SOD2: variants seen among roughly 807,000 people sequenced by gnomAD.
The protein encoded by SOD2 is superoxide dismutase 2.
In SOD2, 11 loss-of-function variants were observed where a neutral mutation model predicts 27.0. The observed-to-expected ratio is 0.41, with a 90% CI of 0.26 to 0.67. The LOEUF (loss-of-function observed/expected upper bound fraction) is 0.67. Ranked by LOEUF, SOD2 falls within the 30% of genes least tolerant of loss-of-function variation. The pLI, the probability that SOD2 is intolerant of heterozygous loss-of-function variation, is 0.34. For missense variants in SOD2, 250 were observed against 274.5 expected, an observed-to-expected ratio of 0.91 and a Z score of 0.63; for synonymous variants, 105 against 103.0, an observed-to-expected ratio of 1.02 and a Z score of -0.12.
intron 1 of SOD2, chr6:159,739,104 A>G: frequency 7.5e-7 from 1 of 1,336,978 alleles, no homozygotes; most frequent in Non-Finnish European, 1.1e-6. Context: ...TTGTGACTCT[A>G]CACTGTAATT....
chr6:159,738,942 T>C, intron 1 of SOD2: 1 of 1,432,470 alleles, frequency 7.0e-7, no homozygotes, highest in South Asian at 1.2e-5. Context: ...TATAGAACTT[T>C]GTGTCTTCAG....
chr6:159,685,209 A>C (rs1206714065), intron 3 of SOD2, among the ~76,000 whole-genome samples, 176 bp from the exon 4 acceptor site: 1 of 135,100 alleles, frequency 7.4e-6, no homozygotes, highest in African/African-American at 2.7e-5. Context: ...TTTGTTTTTT[A>C]TAACTTCAAC....
At chr6:159,708,924 A>G (rs528239636) in intron 1 of SOD2, among the ~76,000 whole-genome samples, 63 of 148,490 alleles carry the variant, frequency 4.2e-4, no homozygotes, top group Non-Finnish European at 4.3e-4. Flanking sequence ...AGAGATATAG[A>G]CCAATGGAAC....
chr6:159,755,495 A>T (rs778477122), intron 1 of SOD2: 2 of 1,614,180 alleles, frequency 1.2e-6, no homozygotes, highest in Admixed American at 3.3e-5. Flanking sequence ...CACAGACTCC[A>T]GTCATGACCC....
At chr6:159,762,165 G>T (rs987640572) in exon 1 of SOD2, 7 of 1,604,920 alleles carry the variant, frequency 4.4e-6, no homozygotes, top group Admixed American at 1.7e-5. Flanking sequence ...CGGGAGCCGC[G>T]CAGAGTCCGA....
At chr6:159,732,974 A>G (rs1778681274) in intron 1 of SOD2, among the ~76,000 whole-genome samples, 1 of 151,726 alleles carries the variant, frequency 6.6e-6, no homozygotes, top group African/African-American at 2.4e-5. Flanking sequence ...GCCAGATTTG[A>G]TATCTGGGTT....
intron 1 of SOD2, among the ~76,000 whole-genome samples, chr6:159,760,085 TA>T (rs1780091951): frequency 6.6e-6 from 1 of 152,158 alleles, no homozygotes; most frequent in Admixed American, 6.5e-5. Context: ...AAGAGGAAGT[TA>T]GGGGTAAGAT....
chr6:159,748,752 A>G (rs1779710324), upstream of SOD2: 2 of 1,235,956 alleles, frequency 1.6e-6, no homozygotes, highest in Non-Finnish European at 2.0e-6. This position sits in a 1 kb window ranked among gnomAD's most constrained non-coding sequence, Gnocchi z 5.6. Context: ...GTTTGAAGGA[A>G]TGAAAACCTA....
upstream of SOD2, among the ~76,000 whole-genome samples, chr6:159,747,964 A>C (rs767848295): frequency 6.6e-6 from 1 of 152,202 alleles, no homozygotes; most frequent in African/African-American, 2.4e-5. Flanking sequence ...GTTTCAATAC[A>C]TATAATGTAT....
chr6:159,701,943 A>T (rs1244836590), intron 1 of SOD2, among the ~76,000 whole-genome samples: 1 of 152,200 alleles, frequency 6.6e-6, no homozygotes, highest in Non-Finnish European at 1.5e-5. Context: ...AGAAAGTGCT[A>T]TACACAGCTG....
chr6:159,722,591 G>C (rs188303598), intron 1 of SOD2, among the ~76,000 whole-genome samples: 5 of 151,952 alleles, frequency 3.3e-5, no homozygotes, highest in Admixed American at 2.0e-4. Context: ...TCTTTTTGAC[G>C]CTAAAATTGC....
chr6:159,734,723 A>G (rs999941402), intron 1 of SOD2, among the ~76,000 whole-genome samples: 7 of 152,200 alleles, frequency 4.6e-5, no homozygotes, highest in African/African-American at 1.7e-4. Context: ...AATATGCCAA[A>G]TGCAATTTAG....
Position 159,692,774 on chromosome 6 carries a change from A to T in SOD2, c.113T>A (p.Leu38Gln), listed in dbSNP as rs375884951. Residue 38 changes from leucine (L) to glutamine (Q), a missense_variant, in exon 2 of 5, where the codon CTG becomes CAG. Physicochemically the swap from Leu to Gln is moderately radical, Grantham distance 113 (BLOSUM62 -2). Transcript: ENST00000538183. The stretch of plus-strand genomic sequence containing the variant: ...GATCTGCGCGTTGATGTGAGGTTCC[A>T]GGGCGCCGTAGTCGTAGGGCAGGTC... Reference protein sequence around the residue: ...LPDLPYDYGALEPHINAQIMQ... With the variant: ...LPDLPYDYGAQEPHINAQIMQ... 7 of 1,614,004 alleles carry T rather than the reference A, an allele frequency of 4.3e-6. No homozygotes were observed. In the African/African-American group the frequency reaches 9.3e-5, roughly 22 times the overall value.
In SOD2 at chr6:159,742,072, GA is replaced by G. The variant is rs771400411; in HGVS notation, c.-116+3057del. 111 of 1,573,728 alleles carry G rather than the reference GA, an allele frequency of 7.1e-5. No individual in the cohort carries two copies. The East Asian group carries it at 2.4e-3, about 34-fold the overall frequency. ...ATTTTATCGTAACAACTAATGTATG[GA>G]TTTTTTTTTATTAGATGGAAACAAT... On this transcript the variant is annotated intron_variant, in intron 1 of 3. Transcript: ENST00000537657.
chr6:159,692,340 A>C, intron 2 of SOD2: 1 of 1,117,564 alleles, frequency 8.9e-7, no homozygotes, highest in Non-Finnish European at 1.2e-6. Context: ...GTGACACAGT[A>C]GAGCTTTCTT....
chr6:159,748,079 G>A (rs367685379), upstream of SOD2: 3 of 1,297,536 alleles, frequency 2.3e-6, no homozygotes, highest in African/African-American at 3.0e-5. The surrounding 1 kb of genome is among the most constrained non-coding windows in gnomAD (Gnocchi z 5.6). Flanking sequence ...ATCAAAGAGG[G>A]GAGGAGCTTA....
chr6:159,749,524 C>G (rs1213537953), upstream of SOD2: 13 of 800,570 alleles, frequency 1.6e-5, no homozygotes, highest in Middle Eastern at 6.4e-4. Context: ...AGAGCAGATT[C>G]ATTTTGGAAA....
At chr6:159,709,397 A>G (rs1287981453) in intron 1 of SOD2, among the ~76,000 whole-genome samples, 1 of 152,184 alleles carries the variant, frequency 6.6e-6, no homozygotes, top group Non-Finnish European at 1.5e-5. Context: ...CAGAATCTAC[A>G]AAGAACTCAA....
At position 159,671,325 on chromosome 6, in the gene SOD2, T is replaced by G. The variant is rs1390792488; in HGVS notation, c.*11168A>C. ...GTGAGTCCCTGACCCCCGAGTAGCC[T>G]AACTGGGAGGCACCCCCAAGTAGGG... On this transcript the variant is annotated 3_prime_UTR_variant, in exon 5 of 5. Transcript: ENST00000538183. The G allele has an allele frequency of 6.6e-6, 1 of 152,364 alleles. No homozygotes were observed. Among genetic ancestry groups the G allele is most frequent in the East Asian group, 1.9e-4 (1 of 5,192 alleles). The allele number at this position is 152,364 out of a possible 1,614,324, so 9.4% of individuals were successfully genotyped here.
Sources: allele counts gnomAD v4.1 joint callset (sites outside exome capture counted in the v4.1 genomes callset), GRCh38; gene constraint gnomAD v4.1.1; non-coding constraint Gnocchi (gnomAD v3.1); transcripts MANE v1.5; gene names NCBI Gene and HGNC (gene_info 2026-07-23, HGNC 2026-07-21).